The following ABCA13 variants were observed in gnomAD, a reference collection of about 807,000 sequenced individuals.
The protein encoded by ABCA13 is ATP binding cassette subfamily A member 13, also known as ATP-binding cassette sub-family A member 13.
In ABCA13, 476 loss-of-function variants were observed where a neutral mutation model predicts 478.7. The observed-to-expected ratio is 0.99, with a 90% CI of 0.92 to 1.07. The LOEUF (loss-of-function observed/expected upper bound fraction) is 1.07. ABCA13 is among the 50% of genes least tolerant of loss of function. ABCA13 has a pLI of 0.00. For synonymous variants in ABCA13, 2,252 were observed against 2,158.9 expected, an observed-to-expected ratio of 1.04 and a Z score of -1.20; for missense variants, 6,060 against 5,910.6, an observed-to-expected ratio of 1.03 and a Z score of -0.83.
chr7:48,251,789 C>A (rs1792605862), intron 15 of ABCA13, among the ~76,000 whole-genome samples: 1 of 151,670 alleles, frequency 6.6e-6, no homozygotes, highest in Admixed American at 6.6e-5. Context: ...CTAATAGGTA[C>A]TTTTAAGACA....
At position 48,537,907 on chromosome 7, in the gene ABCA13, G is replaced by T. The variant is rs574296932; in HGVS notation, c.14354+9562G>T. 2.0e-5 allele frequency among the ~76,000 whole-genome samples: 3 copies of T among 151,934 alleles called. No individual in the cohort carries two copies. In the South Asian group the frequency reaches 6.2e-4, roughly 32 times the overall value. On this transcript the variant is annotated intron_variant, in intron 55 of 61. Transcript: ENST00000435803. ...TACTGAAACTAGGGGAAGGAGATGA[G>T]GAGAACAAGGAAGTTAAACTTTAAA...
chr7:48,316,274 A>G (rs2128895399), intron 26 of ABCA13, among the ~76,000 whole-genome samples: 1 of 152,336 alleles, frequency 6.6e-6, no homozygotes, highest in East Asian at 1.9e-4. Context: ...CGGGCTCATT[A>G]AAGACAGTTC....
intron 55 of ABCA13, among the ~76,000 whole-genome samples, chr7:48,573,332 G>A (rs200051417): frequency 9.5e-6 from 1 of 105,642 alleles, no homozygotes; most frequent in Non-Finnish European, 1.9e-5. Context: ...TATTTTATTT[G>A]TTTTTTATCT....
At position 48,573,390 on chromosome 7, in the gene ABCA13, G is replaced by A. The variant is rs1487477969; in HGVS notation, c.14355-6834G>A. Among the ~76,000 whole-genome samples, 3 of 150,934 alleles carry A rather than the reference G, an allele frequency of 2.0e-5. No homozygotes were observed. The South Asian group carries it at 6.3e-4, about 32-fold the overall frequency. On this transcript the variant is annotated intron_variant, in intron 55 of 61. Coordinates refer to ENST00000435803, the MANE Select transcript of ABCA13 (RefSeq NM_152701.5). ...GTATTCCTGGTGTATTCATTTTCTA[G>A]GACTACTGTAAAAATATACCACTGT...
At chr7:48,536,415 A>G (rs1833585642) in intron 55 of ABCA13, among the ~76,000 whole-genome samples, 3 of 152,194 alleles carry the variant, frequency 2.0e-5, no homozygotes, top group Non-Finnish European at 4.4e-5. Flanking sequence ...TGGGAGGCCG[A>G]GGTGGGAGGA....
At chr7:48,347,902 C>A (rs1467737979) in intron 29 of ABCA13, among the ~76,000 whole-genome samples, 1 of 152,216 alleles carries the variant, frequency 6.6e-6, no homozygotes, top group African/African-American at 2.4e-5. Context: ...TATTCTACTT[C>A]ATCTTTGGAA....
intron 57 of ABCA13, 89 bp from the exon 58 acceptor site, chr7:48,594,621 T>G: frequency 8.0e-7 from 1 of 1,247,840 alleles, no homozygotes. Flanking sequence ...AGATTTTTCT[T>G]TCACCTGGGG....
chr7:48,549,110 T>A (rs4398852), intron 55 of ABCA13, among the ~76,000 whole-genome samples: 35,060 of 151,610 alleles, frequency 0.23, 5,679 homozygotes, highest in African/African-American at 0.44. Context: ...GGTTTGTTAC[T>A]TAGGTATACA....
At chr7:48,221,240 T>A (rs1470947991) in intron 4 of ABCA13, 41 bp from the exon 5 acceptor site, 1 of 1,030,496 alleles carries the variant, frequency 9.7e-7, no homozygotes, top group Non-Finnish European at 1.4e-6. Context: ...GCTTTTTCAT[T>A]GATGATTGAA....
At chr7:48,527,479 C>T (rs2131026184) in intron 54 of ABCA13, among the ~76,000 whole-genome samples, 1 of 152,160 alleles carries the variant, frequency 6.6e-6, no homozygotes, top group East Asian at 1.9e-4. Context: ...TTGACAGAAC[C>T]AGAGAGACAC....
intron 58 of ABCA13, among the ~76,000 whole-genome samples, chr7:48,596,821 A>G (rs1790336847): frequency 6.6e-6 from 1 of 151,754 alleles, no homozygotes; most frequent in Non-Finnish European, 1.5e-5. Flanking sequence ...ACAACAAAAA[A>G]ATTAGCATTC....
At chr7:48,288,193 T>A in intron 20 of ABCA13, 115 bp downstream of exon 20, 1 of 943,696 alleles carries the variant, frequency 1.1e-6, no homozygotes, top group Non-Finnish European at 1.7e-6. Flanking sequence ...AATGGTGTCA[T>A]ACACAGTCTT....
intron 7 of ABCA13, among the ~76,000 whole-genome samples, chr7:48,233,450 G>A (rs1171599083): frequency 6.6e-6 from 1 of 152,082 alleles, no homozygotes; most frequent in African/African-American, 2.4e-5. Flanking sequence ...CTACTAGATA[G>A]TGCCATGGGT....
intron 55 of ABCA13, among the ~76,000 whole-genome samples, chr7:48,553,443 C>A (rs1918608): frequency 0.11 from 16,615 of 152,048 alleles, 1,073 homozygotes; most frequent in East Asian, 0.17. Context: ...ATGAGGGTTC[C>A]CTTTTCTCTG....
intron 43 of ABCA13, among the ~76,000 whole-genome samples, chr7:48,465,822 A>G (rs1826815538): frequency 1.3e-5 from 2 of 148,256 alleles, no homozygotes; most frequent in African/African-American, 5.0e-5. Flanking sequence ...CTATTAACCA[A>G]CCTCTTTCTC....
At chr7:48,189,231 G>T (rs929093073) in intron 1 of ABCA13, among the ~76,000 whole-genome samples, 1 of 152,116 alleles carries the variant, frequency 6.6e-6, no homozygotes, top group African/African-American at 2.4e-5. Context: ...TATTTAACAG[G>T]GGTAAGATTC....
chr7:48,185,368 T>C (rs1399889497), intron 1 of ABCA13, among the ~76,000 whole-genome samples: 1 of 152,216 alleles, frequency 6.6e-6, no homozygotes, highest in African/African-American at 2.4e-5. Flanking sequence ...TGATGAAAAT[T>C]GTCTCAAGTA....
intron 27 of ABCA13, among the ~76,000 whole-genome samples, chr7:48,322,536 C>T (rs1563048919): frequency 6.6e-6 from 1 of 152,162 alleles, no homozygotes; most frequent in South Asian, 2.1e-4. Context: ...CACGCCATGT[C>T]TCTCCCTGTT....
At chr7:48,556,605 T>C (rs1209163733) in intron 55 of ABCA13, among the ~76,000 whole-genome samples, 7 of 152,058 alleles carry the variant, frequency 4.6e-5, no homozygotes, top group Admixed American at 1.3e-4. Flanking sequence ...CCATTTTGTC[T>C]GATATAAATA....
Sources: allele counts gnomAD v4.1 joint callset (sites outside exome capture counted in the v4.1 genomes callset), GRCh38; gene constraint gnomAD v4.1.1; transcripts MANE v1.5; gene names NCBI Gene and HGNC (gene_info 2026-07-23, HGNC 2026-07-21).